The following SIPA1L1 variants were observed in gnomAD, a reference collection of about 807,000 sequenced individuals.
The protein encoded by SIPA1L1 is signal induced proliferation associated 1 like 1.
Under a neutral mutation model 162.7 loss-of-function variants are expected in SIPA1L1, and 26 were observed. That is an observed-to-expected ratio of 0.16 (90% CI 0.12 to 0.22). The LOEUF (loss-of-function observed/expected upper bound fraction) is 0.22, where lower values mean the gene tolerates loss of function less well. Among genes scored for constraint, SIPA1L1 ranks in the 10% least tolerant of loss-of-function variants. The pLI is 1.00. For missense variants in SIPA1L1, 1,874 were observed against 2,241.0 expected (o/e 0.84, Z 3.31); for synonymous variants, 829 against 837.4 (o/e 0.99, Z 0.17).
chr14:71,585,153 G>A (rs1447328241), intron 4 of SIPA1L1, among the ~76,000 whole-genome samples: 1 of 151,040 alleles, frequency 6.6e-6, no homozygotes, highest in Non-Finnish European at 1.5e-5. Flanking sequence ...AAGGGAGGGA[G>A]GGAGGGAGGG....
rs71105788 is a variant in SIPA1L1 at position 71,627,131 on chromosome 14, C to CTTTTTTTTTTTTTTTTT, written c.1818+2922_1818+2938dup. Among the ~76,000 whole-genome samples, 6 of 48,786 alleles carry CTTTTTTTTTTTTTTTTT rather than the reference C, an allele frequency of 1.2e-4. 1 individual carries two copies. Among genetic ancestry groups the CTTTTTTTTTTTTTTTTT allele is most frequent in the African/African-American group, 1.6e-4 (2 of 12,126 alleles). The allele number at this position is 48,786 out of a possible 152,430, so 32.0% of individuals were successfully genotyped here. A position where few individuals can be genotyped will look rare whatever the true frequency, so the allele number is the denominator to read the frequency against. ...TGATGCCTTTCTGGGACTTTCACTA[C>CTTTTTTTTTTTTTTTTT]TTTTTTTTTTTTTTTTTTTTTTTTT... On this transcript the variant is annotated intron_variant, in intron 7 of 23. Transcript: ENST00000381232.
chr14:71,692,097 A>T (rs956565720), intron 13 of SIPA1L1, among the ~76,000 whole-genome samples: 1 of 152,120 alleles, frequency 6.6e-6, no homozygotes, highest in Non-Finnish European at 1.5e-5. Flanking sequence ...TCTACTTTCC[A>T]TTTGTGGTAA....
At chr14:71,720,426 C>T (rs574116221) in intron 17 of SIPA1L1, among the ~76,000 whole-genome samples, 1 of 152,072 alleles carries the variant, frequency 6.6e-6, no homozygotes, top group East Asian at 1.9e-4. Context: ...ACTAAAAATA[C>T]AAAAATTAGC....
At chr14:71,413,311 G>GT (rs1301051672) in intron 2 of SIPA1L1, among the ~76,000 whole-genome samples, 2 of 152,190 alleles carry the variant, frequency 1.3e-5, no homozygotes, top group Non-Finnish European at 2.9e-5. Context: ...TGTTGTTGTT[G>GT]TTTTTTCTTC....
intron 13 of SIPA1L1, among the ~76,000 whole-genome samples, chr14:71,695,826 C>A (rs999504932): frequency 6.6e-6 from 1 of 152,154 alleles, no homozygotes. Flanking sequence ...GTATAAGAGC[C>A]AAACACTTCA....
intron 4 of SIPA1L1, among the ~76,000 whole-genome samples, chr14:71,583,169 G>C (rs773281344): frequency 1.3e-5 from 2 of 152,084 alleles, no homozygotes; most frequent in Non-Finnish European, 2.9e-5. Flanking sequence ...TTTGTTGTTT[G>C]TTTAAGAGCC....
At position 71,624,147 on chromosome 14, in the gene SIPA1L1, G is replaced by A. The variant is rs201037414; in HGVS notation, c.1729G>A (p.Val577Met). 5.0e-5 allele frequency: 81 copies of A among 1,614,076 alleles called. No individual in the cohort carries two copies. The highest frequency in any genetic ancestry group is 5.0e-5 in the Admixed American group (3 of 60,006). The change falls in exon 7 of 24, where the codon GTG (valine) becomes ATG (methionine). Residue 577 changes from valine (V) to methionine (M), a missense_variant. By Grantham distance (21) the Val-to-Met change is conservative. Coordinates refer to ENST00000381232, the MANE Select transcript of SIPA1L1 (RefSeq NM_001386936.1). The part of the protein sequence containing the change: ...GLPLKEVLEH[V>M]VPELNVQCLR... Reference sequence around the variant, plus strand: ...GCCTCTCAAAGAAGTGCTGGAGCACGTGGTTCCTGAGCTCAATGTCCAGTG... The same window carrying A: ...GCCTCTCAAAGAAGTGCTGGAGCACATGGTTCCTGAGCTCAATGTCCAGTG...
At chr14:71,458,709 T>C (rs2046361903) in intron 2 of SIPA1L1, among the ~76,000 whole-genome samples, 1 of 152,150 alleles carries the variant, frequency 6.6e-6, no homozygotes, top group African/African-American at 2.4e-5. Flanking sequence ...AGTCACCCCT[T>C]ATTCTTAGTA....
chr14:71,552,423 G>T (rs191176043), intron 4 of SIPA1L1, among the ~76,000 whole-genome samples: 1 of 147,062 alleles, frequency 6.8e-6, no homozygotes, highest in East Asian at 2.0e-4. Flanking sequence ...ACGGAGTCCC[G>T]CTCTTTAGCC....
chr14:71,626,767 C>A (rs2040034896), intron 7 of SIPA1L1, among the ~76,000 whole-genome samples: 2 of 152,028 alleles, frequency 1.3e-5, no homozygotes, highest in Admixed American at 1.3e-4. Flanking sequence ...TTAAATGATT[C>A]TTTTAATATA....
intron 15 of SIPA1L1, chr14:71,704,913 T>G: frequency 1.4e-6 from 1 of 694,982 alleles, no homozygotes; most frequent in Non-Finnish European, 2.5e-6. Context: ...TCATATAATC[T>G]AAATTTTTCC....
intron 2 of SIPA1L1, among the ~76,000 whole-genome samples, chr14:71,454,020 A>T (rs1469707492): frequency 6.6e-6 from 1 of 150,764 alleles, no homozygotes; most frequent in African/African-American, 2.4e-5. Flanking sequence ...AAAAAAAAAA[A>T]AAAAAGGAAA....
intron 4 of SIPA1L1, among the ~76,000 whole-genome samples, chr14:71,549,907 A>G (rs984875488): frequency 6.6e-6 from 1 of 152,152 alleles, no homozygotes; most frequent in African/African-American, 2.4e-5. Flanking sequence ...ATTAGGAAAA[A>G]TGAGGCCAAT....
chr14:71,705,652 C>T (rs1216875700), intron 16 of SIPA1L1, among the ~76,000 whole-genome samples: 1 of 151,912 alleles, frequency 6.6e-6, no homozygotes, highest in South Asian at 2.1e-4. Context: ...TACACAATTG[C>T]AAGCATGAGA....
intron 13 of SIPA1L1, among the ~76,000 whole-genome samples, chr14:71,693,231 C>T (rs565464094): frequency 6.6e-6 from 1 of 152,278 alleles, no homozygotes; most frequent in South Asian, 2.1e-4. Flanking sequence ...TTGGGGCCAA[C>T]TGCTGTGGCT....
Position 71,739,140 on chromosome 14 carries a change from C to A in SIPA1L1, c.5331C>A (p.Phe1777Leu), listed in dbSNP as rs1400619268. 1.2e-6 allele frequency: 2 copies of A among 1,613,536 alleles called. No individual in the cohort carries two copies. Among genetic ancestry groups the A allele is most frequent in the Non-Finnish European group, 1.7e-6 (2 of 1,179,726 alleles). ...TGAAGAAGTTCACAGAATGGGTCTT[C>A]AACACCATAGACATGAGCTAGGGAA... Reference protein sequence around the residue: ...DKLKKFTEWVFNTIDMS With the variant: ...DKLKKFTEWVLNTIDMS The change falls in exon 24 of 24, where the codon TTC (phenylalanine) becomes TTA (leucine). Residue 1777 changes from phenylalanine (F) to leucine (L), a missense_variant. Around this residue, in one of 5 missense-constraint regions of SIPA1L1, gnomAD observed 936 missense variants for 1,051.9 expected, o/e 0.89. Coordinates refer to ENST00000381232, the MANE Select transcript of SIPA1L1 (RefSeq NM_001386936.1).
chr14:71,387,092 T>A (rs2040384169), intron 2 of SIPA1L1, among the ~76,000 whole-genome samples: 1 of 151,528 alleles, frequency 6.6e-6, no homozygotes, highest in Admixed American at 6.6e-5. Flanking sequence ...CTATTAAAAT[T>A]ACAAAATTAG....
intron 2 of SIPA1L1, among the ~76,000 whole-genome samples, chr14:71,464,797 T>C (rs1019984489): frequency 6.6e-6 from 1 of 152,174 alleles, no homozygotes; most frequent in Non-Finnish European, 1.5e-5. Flanking sequence ...TTTCTGTTGA[T>C]ATAAATTAGA....
intron 2 of SIPA1L1, among the ~76,000 whole-genome samples, chr14:71,438,860 TTGGGCTGGTTGGAAAGCCG>T (rs774171596): frequency 6.6e-5 from 10 of 152,190 alleles, no homozygotes; most frequent in Non-Finnish European, 1.3e-4. Flanking sequence ...TGCCTCCCTC[TTGGGCTGGTTGGAAAGCCG>T]TGGGCTGGTT....
Sources: allele counts gnomAD v4.1 joint callset (sites outside exome capture counted in the v4.1 genomes callset), GRCh38; gene constraint gnomAD v4.1.1; regional missense constraint gnomAD v4.1.1; transcripts MANE v1.5; gene names NCBI Gene and HGNC (gene_info 2026-07-23, HGNC 2026-07-21).